Variants in XKR6 observed in about 807,000 individuals in gnomAD.
The protein encoded by XKR6 is XK-related protein 6.
In XKR6, 22 loss-of-function variants were observed where a neutral mutation model predicts 56.7. The observed-to-expected ratio is 0.39, with a 90% confidence interval of 0.28 to 0.55. XKR6 has a LOEUF of 0.55. Among genes scored for constraint, XKR6 ranks in the 20% least tolerant of loss-of-function variants. The pLI is 0.66. For missense variants in XKR6, 852 were observed against 889.0 expected (o/e 0.96, Z 0.53); for synonymous variants, 524 against 387.8 (o/e 1.35, Z -4.13).
intron 1 of XKR6, among the ~76,000 whole-genome samples, chr8:11,107,236 A>AT: frequency 6.6e-6 from 1 of 151,208 alleles, no homozygotes; most frequent in Admixed American, 6.6e-5. Flanking sequence ...GTCTCACTCC[A>AT]TCGCCTGGGA....
At chr8:11,163,578 T>C (rs941957831) in intron 1 of XKR6, among the ~76,000 whole-genome samples, 1 of 152,206 alleles carries the variant, frequency 6.6e-6, no homozygotes, top group South Asian at 2.1e-4. Flanking sequence ...GGCAAACATT[T>C]AGAAAACTAA....
chr8:11,188,333 G>C (rs745783622), intron 1 of XKR6, among the ~76,000 whole-genome samples: 1 of 152,150 alleles, frequency 6.6e-6, no homozygotes, highest in Non-Finnish European at 1.5e-5. Flanking sequence ...TCAAATAGTG[G>C]ACGCCCCAAA....
intron 1 of XKR6, among the ~76,000 whole-genome samples, chr8:10,966,501 G>A (rs993824027): frequency 2.6e-5 from 4 of 152,048 alleles, no homozygotes; most frequent in Non-Finnish European, 4.4e-5. Flanking sequence ...GTGAAACCCC[G>A]TCTCTACTAA....
intron 1 of XKR6, among the ~76,000 whole-genome samples, chr8:11,161,586 G>C (rs750962410): frequency 2.6e-5 from 4 of 152,218 alleles, no homozygotes; most frequent in Non-Finnish European, 4.4e-5. Flanking sequence ...GCATGATTTA[G>C]TGCCTGGCAG....
At chr8:11,190,285 T>TA (rs1803506715) in intron 1 of XKR6, among the ~76,000 whole-genome samples, 1 of 145,264 alleles carries the variant, frequency 6.9e-6, no homozygotes, top group African/African-American at 2.5e-5. Flanking sequence ...GAAAGGAAAA[T>TA]AAAAGAAAAG....
intron 1 of XKR6, among the ~76,000 whole-genome samples, chr8:11,123,082 C>A (rs1399499118): frequency 1.3e-5 from 2 of 151,832 alleles, no homozygotes; most frequent in Non-Finnish European, 2.9e-5. Flanking sequence ...ACTAAAAATA[C>A]AAAAAATAGC....
At position 11,035,330 on chromosome 8, in the gene XKR6, C is replaced by A. The variant is rs766149854; in HGVS notation, c.765-110500G>T. On this transcript the variant is annotated intron_variant, in intron 1 of 2. Transcript: ENST00000416569. ...TCTTCCTGCGTTGTGGCAGCTTGGG[C>A]CCCCACTGGCCATGCAGGAGCCAGG... 6 of 534,600 alleles carry A rather than the reference C, an allele frequency of 1.1e-5. No individual in the cohort carries two copies. In the Admixed American group the frequency reaches 1.2e-4, roughly 10 times the overall value. 33.1% of individuals were successfully genotyped at this position (534,600 alleles called of 1,614,324 possible). A position where few individuals can be genotyped will look rare whatever the true frequency, so the allele number is the denominator to read the frequency against.
intron 1 of XKR6, among the ~76,000 whole-genome samples, chr8:11,076,457 C>A (rs772523954): frequency 1.3e-5 from 2 of 152,166 alleles, no homozygotes; most frequent in African/African-American, 4.8e-5. Flanking sequence ...CTGACCCTTA[C>A]CCCATCAGCA....
intron 2 of XKR6, among the ~76,000 whole-genome samples, chr8:10,901,989 A>G (rs1045078598): frequency 6.6e-6 from 1 of 152,240 alleles, no homozygotes; most frequent in African/African-American, 2.4e-5. Flanking sequence ...TTCTGCCTTC[A>G]GAGTTACCTA....
At position 11,186,836 on chromosome 8, in the gene XKR6, CATT is replaced by C. The variant is rs1426595555; in HGVS notation, c.764+13737_764+13739del. ...CTGTTCTACTGTGTTCAGTCACTGA[CATT>C]GTTGTTATTAGAGCTATTGAGAAAA... On this transcript the variant is annotated intron_variant, in intron 1 of 2. Coordinates refer to ENST00000416569, the MANE Select transcript of XKR6 (RefSeq NM_173683.4). Among the ~76,000 whole-genome samples the C allele has an allele frequency of 5.3e-5, 8 of 152,328 alleles. No individual in the cohort carries two copies. In the East Asian group the frequency reaches 5.8e-4, roughly 11 times the overall value.
chr8:11,066,876 G>C lies in XKR6; in HGVS notation c.764+133700C>G, dbSNP rs190975465. 3 of 152,308 alleles carry C rather than the reference G, an allele frequency of 2.0e-5. No individual in the cohort carries two copies. The East Asian group carries it at 5.8e-4, about 29-fold the overall frequency. 9.4% of individuals were successfully genotyped at this position (152,308 alleles called of 1,614,324 possible). ...TGAGCTACGGGTGTCTGCACACAGT[G>C]GTCCCCGGAACCCACACTCCCATCC... On this transcript the variant is annotated intron_variant, in intron 1 of 2. Coordinates refer to ENST00000416569, the MANE Select transcript of XKR6 (RefSeq NM_173683.4).
intron 1 of XKR6, among the ~76,000 whole-genome samples, chr8:11,086,863 G>A (rs1797909450): frequency 6.6e-6 from 1 of 152,178 alleles, no homozygotes; most frequent in African/African-American, 2.4e-5. Context: ...TTTAACACTA[G>A]AAATATTCGA....
chr8:11,138,625 C>T (rs1800524190), intron 1 of XKR6: 1 of 152,194 alleles, frequency 6.6e-6, no homozygotes, highest in Admixed American at 6.5e-5. Context: ...GGGCCTTCCT[C>T]AACTCCATGC....
chr8:11,017,496 TGCAA>T (rs546206249), intron 1 of XKR6, among the ~76,000 whole-genome samples: 3,496 of 152,362 alleles, frequency 0.023, 124 homozygotes, highest in African/African-American at 0.079. Context: ...CAAGGTTGCC[TGCAA>T]GTAACACGAC....
At chr8:11,147,007 T>C (rs1237418708) in intron 1 of XKR6, among the ~76,000 whole-genome samples, 1 of 151,796 alleles carries the variant, frequency 6.6e-6, no homozygotes, top group African/African-American at 2.4e-5. Flanking sequence ...AGGGAAAAAA[T>C]ACAGCCTGAA....
intron 1 of XKR6, among the ~76,000 whole-genome samples, chr8:11,098,350 T>A (rs546524941): frequency 1.3e-5 from 2 of 152,164 alleles, no homozygotes; most frequent in Non-Finnish European, 2.9e-5. Flanking sequence ...GTAGCATTAT[T>A]TCTAAGAGCT....
intron 1 of XKR6, among the ~76,000 whole-genome samples, chr8:10,972,453 G>C (rs1040850972): frequency 6.6e-6 from 1 of 152,330 alleles, no homozygotes; most frequent in Middle Eastern, 3.4e-3. Flanking sequence ...AGCCAGGAAC[G>C]AACAAGCTTG....
At chr8:11,064,476 G>C (rs1056862220) in intron 1 of XKR6, among the ~76,000 whole-genome samples, 1 of 152,202 alleles carries the variant, frequency 6.6e-6, no homozygotes, top group Non-Finnish European at 1.5e-5. Flanking sequence ...AAGAAAGGAA[G>C]CAGAATAATT....
intron 1 of XKR6, among the ~76,000 whole-genome samples, chr8:11,176,650 G>A (rs1665359035): frequency 6.6e-6 from 1 of 152,150 alleles, no homozygotes; most frequent in Non-Finnish European, 1.5e-5. Context: ...GGAGGCAGAT[G>A]AAGTCGGCCC....
Sources: allele counts gnomAD v4.1 joint callset (sites outside exome capture counted in the v4.1 genomes callset), GRCh38; gene constraint gnomAD v4.1.1; transcripts MANE v1.5; gene names NCBI Gene and HGNC (gene_info 2026-07-23, HGNC 2026-07-21).